Variants in FAM234A observed in about 807,000 individuals in gnomAD.
FAM234A encodes family with sequence similarity 234 member A, also known as protein FAM234A.
FAM234A carries 42 observed loss-of-function variants against 49.1 expected under a neutral mutation model. That is an observed-to-expected ratio of 0.86 (90% CI 0.67 to 1.11). FAM234A has a LOEUF of 1.11. FAM234A is among the 50% of genes least tolerant of loss of function. The pLI is 0.00. For missense variants in FAM234A, 815 were observed against 745.2 expected (o/e 1.09, Z -1.09); for synonymous variants, 369 against 316.2 (o/e 1.17, Z -1.77).
downstream of FAM234A, chr16:268,245 G>A (rs374542583): frequency 8.6e-3 from 1,806 of 208,814 alleles, 31 homozygotes; most frequent in African/African-American, 0.038. Context: ...TGCCTCATAC[G>A]CACACACACC....
intron 1 of FAM234A, among the ~76,000 whole-genome samples, chr16:247,459 T>A (rs1368285047): frequency 6.6e-6 from 1 of 151,088 alleles, no homozygotes; most frequent in Non-Finnish European, 1.5e-5. Context: ...TTAAGAGAAG[T>A]CTTGCTGTTG....
At chr16:238,023 T>C (rs1441400747) in intron 1 of FAM234A, among the ~76,000 whole-genome samples, 1 of 149,358 alleles carries the variant, frequency 6.7e-6, no homozygotes, top group Non-Finnish European at 1.5e-5. Context: ...TATTTTTATT[T>C]ATTTATTTAT....
intron 1 of FAM234A, among the ~76,000 whole-genome samples, chr16:240,436 G>A (rs916752014): frequency 5.3e-5 from 8 of 151,868 alleles, no homozygotes; most frequent in Admixed American, 5.3e-4. Flanking sequence ...GGTGGAGTGT[G>A]GTTAACCAGG....
chr16:262,924 A>G (rs574079615), intron 8 of FAM234A, among the ~76,000 whole-genome samples: 3 of 147,694 alleles, frequency 2.0e-5, no homozygotes, highest in South Asian at 2.1e-4. Flanking sequence ...GGTTCAAGTG[A>G]TTCTCCTGCC....
chr16:240,280 A>G (rs1295498511), intron 1 of FAM234A: 2 of 152,154 alleles, frequency 1.3e-5, no homozygotes, highest in African/African-American at 2.4e-5. Flanking sequence ...CTTGATTGTG[A>G]GTTATCTTAC....
At chr16:250,079 A>G (rs903795360) in intron 2 of FAM234A, among the ~76,000 whole-genome samples, 1 of 152,128 alleles carries the variant, frequency 6.6e-6, no homozygotes, top group Non-Finnish European at 1.5e-5. Flanking sequence ...CTATAGGCGC[A>G]TGCCGCCACA....
intron 1 of FAM234A, among the ~76,000 whole-genome samples, chr16:236,083 G>C (rs1372841686): frequency 1.3e-5 from 2 of 152,048 alleles, no homozygotes; most frequent in Non-Finnish European, 2.9e-5. Flanking sequence ...CTCCCAAGTA[G>C]CTGTGATTAC....
intron 8 of FAM234A, among the ~76,000 whole-genome samples, 184 bp from the exon 9 acceptor site, chr16:263,077 CA>C (rs1488060273): frequency 2.0e-5 from 3 of 152,164 alleles, no homozygotes; most frequent in African/African-American, 7.2e-5. Flanking sequence ...CTCGGCCTCC[CA>C]AAGTGCTGGA....
At chr16:262,383 C>A in intron 7 of FAM234A, 41 bp from the exon 8 acceptor site, 1 of 1,564,570 alleles carries the variant, frequency 6.4e-7, no homozygotes. Context: ...GGGTTCACAG[C>A]GTGACCCTGG....
chr16:264,760 T>TGCCCTGGCTGGTCCTGAGCC (rs2051627884), intron 12 of FAM234A, 44 bp downstream of exon 12: 4 of 1,607,434 alleles, frequency 2.5e-6, no homozygotes, highest in Non-Finnish European at 3.4e-6. Flanking sequence ...CCGCGGGGTC[T>TGCCCTGGCTGGTCCTGAGCC]GCCCTGGCTG....
chr16:263,668 C>T (rs776998513), intron 9 of FAM234A, 32 bp from the exon 10 acceptor site: 3 of 1,548,480 alleles, frequency 1.9e-6, no homozygotes, highest in East Asian at 2.2e-5. Context: ...TCACTGAGAC[C>T]CCTCGTGAGC....
intron 8 of FAM234A, 34 bp downstream of exon 8, chr16:262,587 G>A (rs774149139): frequency 7.1e-6 from 11 of 1,544,174 alleles, no homozygotes; most frequent in Non-Finnish European, 9.6e-6. Flanking sequence ...TCCATGCAGA[G>A]CGCCCACCCC....
At chr16:244,854 A>ATTTTTTTTTTTTTTTTTTTTTTTTTTT (rs1203898846) in intron 1 of FAM234A, among the ~76,000 whole-genome samples, 1 of 147,274 alleles carries the variant, frequency 6.8e-6, no homozygotes, top group Non-Finnish European at 1.5e-5. Context: ...CGCCCGGCTA[A>ATTTTTTTTTTTTTTTTTTTTTTTTTTT]TTTTTTTTTG....
chr16:238,660 G>A (rs564846874), intron 1 of FAM234A, among the ~76,000 whole-genome samples: 1 of 151,336 alleles, frequency 6.6e-6, no homozygotes, highest in East Asian at 1.9e-4. Flanking sequence ...CAGCCACTCC[G>A]GAGGCTGAGG....
chr16:238,919 C>CA lies in FAM234A; in HGVS notation c.-140+4075dup, dbSNP rs1161101529. On this transcript the variant is annotated intron_variant, in intron 1 of 12. Transcript: ENST00000399932. ...CTAACATGGTGAAACCCCATCTCTA[C>CA]AAAAAAAAAAAAATTAGCCGGGTGT... Among the ~76,000 whole-genome samples, 278 of 91,640 alleles carry CA rather than the reference C, an allele frequency of 3.0e-3. 1 individual carries two copies. The highest frequency in any genetic ancestry group is 6.6e-3 in the East Asian group (21 of 3,202). 60.1% of individuals were successfully genotyped at this position (91,640 alleles called of 152,430 possible). A position where few individuals can be genotyped will look rare whatever the true frequency, so the allele number is the denominator to read the frequency against.
chr16:238,143 T>G (rs373232755), intron 1 of FAM234A, among the ~76,000 whole-genome samples: 47 of 152,254 alleles, frequency 3.1e-4, no homozygotes, highest in African/African-American at 1.1e-3. Context: ...CTCAGCCTCC[T>G]GAGTAGCTGA....
chr16:246,512 C>T (rs374429975), intron 1 of FAM234A, among the ~76,000 whole-genome samples: 13 of 147,036 alleles, frequency 8.8e-5, no homozygotes, highest in African/African-American at 2.3e-4. Flanking sequence ...CTCTGCCTCC[C>T]GGGTTCACGC....
At chr16:261,838 G>A (rs1018498218) in intron 6 of FAM234A, among the ~76,000 whole-genome samples, 1 of 152,220 alleles carries the variant, frequency 6.6e-6, no homozygotes, top group African/African-American at 2.4e-5. Flanking sequence ...TGTGCCCCGT[G>A]CAGTGTGGAG....
At chr16:238,946 A>G (rs1177938090) in intron 1 of FAM234A, among the ~76,000 whole-genome samples, 2 of 130,186 alleles carry the variant, frequency 1.5e-5, no homozygotes, top group Non-Finnish European at 3.3e-5. Context: ...GCCGGGTGTC[A>G]TGGCACGTGC....
Sources: allele counts gnomAD v4.1 joint callset (sites outside exome capture counted in the v4.1 genomes callset), GRCh38; gene constraint gnomAD v4.1.1; transcripts MANE v1.5; gene names NCBI Gene and HGNC (gene_info 2026-07-23, HGNC 2026-07-21).